The following CRPPA variants were observed in gnomAD, a reference collection of about 807,000 sequenced individuals.
The protein encoded by CRPPA is CDP-L-ribitol pyrophosphorylase A.
A neutral mutation model predicts 52.0 loss-of-function variants in CRPPA; 43 were observed. The ratio of observed to expected loss-of-function variants is 0.83; its 90% CI spans 0.65 to 1.07. The LOEUF is 1.07. Ranked by LOEUF, CRPPA falls within the 50% of genes least tolerant of loss-of-function variation. The pLI, the probability that CRPPA is intolerant of heterozygous loss-of-function variation, is 0.00. For missense variants in CRPPA, 629 were observed against 551.7 expected (o/e 1.14, Z -1.40); for synonymous variants, 250 against 203.5 (o/e 1.23, Z -1.94).
intron 8 of CRPPA, among the ~76,000 whole-genome samples, chr7:16,254,837 GAA>G (rs1414317561): frequency 6.7e-5 from 10 of 148,334 alleles, no homozygotes; most frequent in African/African-American, 9.9e-5. Context: ...AAGAAAGAAA[GAA>G]AGAAAGAGAA....
At chr7:16,245,905 C>T (rs374010688) in intron 8 of CRPPA, among the ~76,000 whole-genome samples, 5 of 152,060 alleles carry the variant, frequency 3.3e-5, no homozygotes, top group African/African-American at 7.2e-5. Context: ...ACATTTGAGC[C>T]TTCAGCGAGT....
chr7:16,345,759 T>C (rs1785998540), intron 3 of CRPPA, among the ~76,000 whole-genome samples: 1 of 149,360 alleles, frequency 6.7e-6, no homozygotes, highest in Non-Finnish European at 1.5e-5. Flanking sequence ...CTCAGTCCTT[T>C]AGAGTTTTTG....
At chr7:16,264,897 C>T (rs1221275563) in intron 6 of CRPPA, among the ~76,000 whole-genome samples, 1 of 152,176 alleles carries the variant, frequency 6.6e-6, no homozygotes. Context: ...GGGTTTGAAT[C>T]TATCTCCAGA....
intron 2 of CRPPA, among the ~76,000 whole-genome samples, chr7:16,392,103 A>G (rs1234103289): frequency 6.6e-6 from 1 of 152,158 alleles, no homozygotes; most frequent in Non-Finnish European, 1.5e-5. Flanking sequence ...CTTAATTAAT[A>G]TTCTTTTCTA....
chr7:16,174,599 G>C (rs1031299035), intron 9 of CRPPA, among the ~76,000 whole-genome samples: 4 of 151,780 alleles, frequency 2.6e-5, no homozygotes, highest in Admixed American at 6.6e-5. Flanking sequence ...AAATGATGAA[G>C]ACAGAGAAAC....
intron 9 of CRPPA, among the ~76,000 whole-genome samples, chr7:16,108,460 C>A (rs1052626114): frequency 3.3e-5 from 5 of 151,582 alleles, no homozygotes; most frequent in African/African-American, 1.2e-4. Flanking sequence ...GTATATGAAA[C>A]AAATATTAAA....
In CRPPA at chr7:16,209,273, C is replaced by CTTTTTTTTTTTTTTTTTTTTTTT. The variant is rs34795937; in HGVS notation, c.1251+6792_1251+6793insAAAAAAAAAAAAAAAAAAAAAAA. On this transcript the variant is annotated intron_variant, in intron 9 of 9. Transcript: ENST00000407010. ...GGCCAAGTAATACGGTTCTAAGTGT[C>CTTTTTTTTTTTTTTTTTTTTTTT]TTTTTTTTTTTTTTTTTGAGACGAG... 697 of 122,952 alleles carry CTTTTTTTTTTTTTTTTTTTTTTT rather than the reference C, an allele frequency of 5.7e-3. 130 individuals are homozygous for CTTTTTTTTTTTTTTTTTTTTTTT. Among genetic ancestry groups the CTTTTTTTTTTTTTTTTTTTTTTT allele is most frequent in the Non-Finnish European group, 9.5e-3 (529 of 55,824 alleles). The allele number at this position is 122,952 out of a possible 1,614,324, so 7.6% of individuals were successfully genotyped here.
chr7:16,229,490 A>G (rs1782735801), intron 8 of CRPPA, among the ~76,000 whole-genome samples: 1 of 152,040 alleles, frequency 6.6e-6, no homozygotes, highest in South Asian at 2.1e-4. Context: ...AAACCACATT[A>G]AATTGTTTTA....
intron 2 of CRPPA, among the ~76,000 whole-genome samples, chr7:16,393,732 T>TA (rs1337827947): frequency 2.6e-5 from 4 of 152,114 alleles, no homozygotes; most frequent in Non-Finnish European, 2.9e-5. Context: ...ATATTAAGAT[T>TA]AAAAAATGCT....
At chr7:16,373,547 A>G (rs1225155772) in intron 3 of CRPPA, among the ~76,000 whole-genome samples, 1 of 152,204 alleles carries the variant, frequency 6.6e-6, no homozygotes, top group Non-Finnish European at 1.5e-5. Context: ...AATGACTTCA[A>G]GTAATTATTC....
At chr7:16,315,993 G>C (rs1785136033) in intron 3 of CRPPA, among the ~76,000 whole-genome samples, 2 of 152,050 alleles carry the variant, frequency 1.3e-5, no homozygotes, top group Admixed American at 1.3e-4. Flanking sequence ...TTAGGAAGGA[G>C]TAACAACTCC....
At chr7:16,107,720 C>G (rs1033664455) in intron 9 of CRPPA, among the ~76,000 whole-genome samples, 5 of 151,870 alleles carry the variant, frequency 3.3e-5, no homozygotes, top group Non-Finnish European at 7.4e-5. Flanking sequence ...TCAGAATACT[C>G]TAAAACTGTA....
intron 8 of CRPPA, among the ~76,000 whole-genome samples, chr7:16,229,772 CT>C (rs1782742969): frequency 6.6e-6 from 1 of 151,844 alleles, no homozygotes; most frequent in Non-Finnish European, 1.5e-5. Flanking sequence ...TAGTGTTGTG[CT>C]TTTTTTGGCT....
intron 6 of CRPPA, among the ~76,000 whole-genome samples, chr7:16,266,480 T>C (rs1783956140): frequency 8.2e-6 from 1 of 122,474 alleles, no homozygotes; most frequent in Non-Finnish European, 1.8e-5. Context: ...TTTTTTGTTT[T>C]TCTTTTTTTT....
At chr7:16,369,780 A>G (rs991974228) in intron 3 of CRPPA, among the ~76,000 whole-genome samples, 1 of 152,104 alleles carries the variant, frequency 6.6e-6, no homozygotes, top group Admixed American at 6.5e-5. Flanking sequence ...TTTTTCCCCC[A>G]AGAACCACAA....
At chr7:16,181,684 A>T (rs1378279159) in intron 9 of CRPPA, among the ~76,000 whole-genome samples, 10 of 152,052 alleles carry the variant, frequency 6.6e-5, no homozygotes, top group Non-Finnish European at 1.2e-4. Context: ...TCAACTTAAA[A>T]AACAGCATAA....
intron 8 of CRPPA, among the ~76,000 whole-genome samples, chr7:16,256,983 G>T (rs1225145006): frequency 6.6e-5 from 10 of 152,018 alleles, no homozygotes; most frequent in Admixed American, 5.3e-4. Context: ...TTAATTTGGA[G>T]TCATCTCATC....
chr7:16,310,858 T>C (rs1785021505), intron 3 of CRPPA, among the ~76,000 whole-genome samples: 1 of 142,740 alleles, frequency 7.0e-6, no homozygotes, highest in East Asian at 1.9e-4. Flanking sequence ...CAATACAACT[T>C]AGAACAAAGA....
intron 6 of CRPPA, among the ~76,000 whole-genome samples, chr7:16,262,765 T>G (rs1020039500): frequency 6.6e-6 from 1 of 152,160 alleles, no homozygotes; most frequent in Non-Finnish European, 1.5e-5. Context: ...AATAAAAGAA[T>G]TATCTTAATG....
Sources: gnomAD v4.1 joint callset for allele counts (sites outside exome capture counted in the v4.1 genomes callset) on GRCh38, gnomAD v4.1.1 for gene constraint, MANE v1.5 for transcripts, NCBI Gene and HGNC (gene_info 2026-07-23, HGNC 2026-07-21) for gene names.